The following CD36 variants were observed in gnomAD, a reference collection of about 807,000 sequenced individuals.
CD36 encodes the protein CD36 molecule (CD36 blood group).
A neutral mutation model predicts 55.2 loss-of-function variants in CD36; 119 were observed. The observed-to-expected ratio is 2.15, with a 90% confidence interval of 1.86 to 2.51. The LOEUF is 2.51. CD36 is among the 30% of genes most tolerant of loss of function. The pLI, the probability that CD36 is intolerant of heterozygous loss-of-function variation, is 0.00. For synonymous variants in CD36, 186 were observed against 193.6 expected (o/e 0.96, Z 0.33); for missense variants, 819 against 555.5 (o/e 1.47, Z -4.77).
intron 5 of CD36, 32 bp downstream of exon 5, chr7:80,661,242 T>A (rs1416188564): frequency 1.9e-6 from 3 of 1,586,074 alleles, no homozygotes; most frequent in Non-Finnish European, 2.6e-6. Context: ...TTATCTATTT[T>A]AAAATACTCT....
chr7:80,614,407 C>G (rs1461387563), intron 1 of CD36, among the ~76,000 whole-genome samples: 2 of 152,114 alleles, frequency 1.3e-5, no homozygotes, highest in Non-Finnish European at 2.9e-5. Context: ...CACTGGCCAA[C>G]AAGAGAATCT....
Position 80,673,112 on chromosome 7 carries a change from A to G in CD36, c.1200-243A>G, listed in dbSNP as rs3211953. On this transcript the variant is annotated intron_variant, in intron 12 of 14. Transcript: ENST00000447544. ...TGACAATAATTAATTTTTGGAATTC[A>G]TATTTCAGTTCCCCGAGAATTTATT... is the stretch of plus-strand genomic sequence containing the variant. 1.0e-3 allele frequency: 537 copies of G among 523,090 alleles called. 4 individuals are homozygous for G. Among genetic ancestry groups the G allele is most frequent in the African/African-American group, 9.1e-3 (463 of 51,126 alleles). The allele number at this position is 523,090 out of a possible 1,614,324, so 32.4% of individuals were successfully genotyped here. A position where few individuals can be genotyped will look rare whatever the true frequency, so the allele number is the denominator to read the frequency against.
chr7:80,650,800 T>TC (rs1455243475), intron 3 of CD36, among the ~76,000 whole-genome samples: 1 of 152,110 alleles, frequency 6.6e-6, no homozygotes, highest in African/African-American at 2.4e-5. Context: ...TTTTGCTCTT[T>TC]ATTTTCAAGG....
rs185917689 is a variant in CD36, at chr7:80,615,775, G to A, written c.-184+13396G>A. Among the ~76,000 whole-genome samples the A allele has an allele frequency of 9.2e-5, 14 of 152,224 alleles. No individual in the cohort carries two copies. The East Asian group carries it at 2.7e-3, about 29-fold the overall frequency. On this transcript the variant is annotated intron_variant, in intron 1 of 13. Coordinates refer to the CD36 transcript ENST00000309881. ...TTTCTCCCAAAATATTCTAAGGCGG[G>A]AAGCTTCATGAAAACTCTTGGAGTT... is the stretch of plus-strand genomic sequence containing the variant.
intron 1 of CD36, among the ~76,000 whole-genome samples, chr7:80,625,537 G>A (rs542302311): frequency 1.3e-5 from 2 of 152,208 alleles, no homozygotes; most frequent in South Asian, 4.1e-4. Flanking sequence ...TCATAACCTT[G>A]CTTGTATTTC....
intron 3 of CD36, among the ~76,000 whole-genome samples, chr7:80,654,880 GAAAA>G (rs67640111): frequency 2.1e-5 from 3 of 142,978 alleles, no homozygotes; most frequent in East Asian, 2.0e-4. Context: ...GAGGGTGACG[GAAAA>G]AAAAAAAAAA....
chr7:80,658,354 G>T (rs1796254626), intron 4 of CD36, among the ~76,000 whole-genome samples: 1 of 152,094 alleles, frequency 6.6e-6, no homozygotes, highest in Admixed American at 6.6e-5. Context: ...CCTAAGGAGA[G>T]TATCAGCATA....
rs146885545 is a variant in CD36 at position 80,666,447 on chromosome 7, C to T, written c.706C>T (p.Leu236=). ...IIDTYKGKRN[L]SYWESHCDMI... ...ATTGTCTTTTTCTATTCCTAGGAAT[C>T]TGTCCTATTGGGAAAGTCACTGCGA... The change falls in exon 8 of 15, where the codon CTG becomes TTG. Residue 236 remains leucine (L), a synonymous_variant. Transcript: ENST00000447544. 14 of 1,597,120 alleles carry T rather than the reference C, an allele frequency of 8.8e-6. No individual in the cohort carries two copies. Among genetic ancestry groups the T allele is most frequent in the Non-Finnish European group, 1.2e-5 (14 of 1,165,250 alleles).
At chr7:80,668,812 T>C (rs1221044630) in intron 8 of CD36, among the ~76,000 whole-genome samples, 1 of 152,148 alleles carries the variant, frequency 6.6e-6, no homozygotes, top group African/African-American at 2.4e-5. Context: ...GAACCTACAA[T>C]GCATAATCAA....
chr7:80,645,427 T>A (rs187724390), intron 1 of CD36, among the ~76,000 whole-genome samples: 3,079 of 150,896 alleles, frequency 0.02, 100 homozygotes, highest in African/African-American at 0.07. Context: ...AGGTCAGGAG[T>A]TCGAGACCAG....
At chr7:80,631,849 A>G (rs1334327001) in intron 1 of CD36, among the ~76,000 whole-genome samples, 1 of 151,548 alleles carries the variant, frequency 6.6e-6, no homozygotes, top group Admixed American at 6.6e-5. Context: ...AATAATGTAC[A>G]AAACACACAT....
chr7:80,641,273 C>T (rs1219227555), intron 1 of CD36, among the ~76,000 whole-genome samples: 2 of 152,136 alleles, frequency 1.3e-5, no homozygotes, highest in Non-Finnish European at 2.9e-5. Flanking sequence ...TTGTTTTACA[C>T]CCATTTCTAC....
intron 12 of CD36, 69 bp from the exon 13 acceptor site, chr7:80,673,274 ATTTATGAACATT>A: frequency 1.5e-6 from 1 of 683,776 alleles, no homozygotes; most frequent in East Asian, 2.9e-5. Context: ...ACAGCAACTA[ATTTATGAACATT>A]TATTTTAAAG....
chr7:80,616,361 C>T (rs1793153069), intron 1 of CD36, among the ~76,000 whole-genome samples: 1 of 151,470 alleles, frequency 6.6e-6, no homozygotes, highest in East Asian at 2.0e-4. Context: ...ATGTATATTG[C>T]TTTTACACCA....
chr7:80,673,891 G>A (rs1797981803), intron 13 of CD36, 92 bp from the exon 14 acceptor site: 1 of 881,268 alleles, frequency 1.1e-6, no homozygotes. Context: ...AACACCAATA[G>A]AGGTGTTAGA....
intron 1 of CD36, among the ~76,000 whole-genome samples, chr7:80,632,271 A>C (rs1302648562): frequency 5.3e-5 from 8 of 151,908 alleles, no homozygotes; most frequent in African/African-American, 7.2e-5. Context: ...AAAAAAAAAA[A>C]AAAACAGAAC....
chr7:80,647,609 G>A (rs894956525), intron 3 of CD36, among the ~76,000 whole-genome samples: 1 of 152,110 alleles, frequency 6.6e-6, no homozygotes, highest in African/African-American at 2.4e-5. Context: ...TGATTGATAG[G>A]GGGAAGAAGA....
chr7:80,667,747 G>GTTTTTTGTTT (rs1363671181), intron 8 of CD36, among the ~76,000 whole-genome samples: 2 of 82,636 alleles, frequency 2.4e-5, no homozygotes, highest in African/African-American at 8.3e-5. Context: ...GTTTTCTTTT[G>GTTTTTTGTTT]TTTTTTTTTT....
chr7:80,667,368 T>C (rs1266347107), intron 8 of CD36, among the ~76,000 whole-genome samples: 1 of 144,518 alleles, frequency 6.9e-6, no homozygotes, highest in African/African-American at 2.6e-5. Context: ...AGGTGGAGGC[T>C]GCAGTGAGCT....
Sources: gnomAD v4.1 joint callset for allele counts (sites outside exome capture counted in the v4.1 genomes callset) on GRCh38, gnomAD v4.1.1 for gene constraint, MANE v1.5 for transcripts, NCBI Gene and HGNC (gene_info 2026-07-23, HGNC 2026-07-21) for gene names.